ROBO2: variants seen among roughly 807,000 people sequenced by gnomAD.
ROBO2 encodes the protein roundabout guidance receptor 2.
A neutral mutation model predicts 160.8 loss-of-function variants in ROBO2; 53 were observed. The observed-to-expected ratio is 0.33, with a 90% CI of 0.26 to 0.41. The LOEUF is 0.41. Among genes scored for constraint, ROBO2 ranks in the 10% least tolerant of loss-of-function variants. ROBO2 has a pLI of 1.00. For missense variants in ROBO2, 1,577 were observed against 1,722.4 expected (o/e 0.92, Z 1.49); for synonymous variants, 664 against 611.7 (o/e 1.09, Z -1.26).
At chr3:77,217,019 A>G (rs1161685711) in intron 2 of ROBO2, among the ~76,000 whole-genome samples, 1 of 152,216 alleles carries the variant, frequency 6.6e-6, no homozygotes, top group African/African-American at 2.4e-5. Flanking sequence ...AAGGGACAGG[A>G]CAGAGCTTGT....
intron 2 of ROBO2, among the ~76,000 whole-genome samples, chr3:76,458,378 C>T (rs74204712): frequency 0.11 from 15,414 of 140,910 alleles, 1,022 homozygotes; most frequent in East Asian, 0.21. Flanking sequence ...CTCCAGCTCC[C>T]AAGTTCCTCA....
chr3:77,574,736 T>C lies in ROBO2; in HGVS notation c.2203+6T>C, dbSNP rs1422080738. The C allele has an allele frequency of 2.5e-6, 4 of 1,604,624 alleles. No individual in the cohort carries two copies. The highest frequency in any genetic ancestry group is 1.7e-5 in the Admixed American group (1 of 59,838). ...GGTTCGTACTACTGAAGAAGGTCAG[T>C]ATTCAGATTTCGAATATAAATCAAA... On this transcript the variant is annotated splice_donor_region_variant and intron_variant, in intron 14 of 25. Transcript: ENST00000461745.
intron 2 of ROBO2, among the ~76,000 whole-genome samples, chr3:76,747,544 G>A (rs144307123): frequency 4.8e-4 from 73 of 152,022 alleles, no homozygotes; most frequent in African/African-American, 1.5e-3. Flanking sequence ...TCATGAATAC[G>A]TGAATATGTG....
chr3:76,312,371 T>C (rs147692843), intron 2 of ROBO2, among the ~76,000 whole-genome samples: 1 of 152,322 alleles, frequency 6.6e-6, no homozygotes, highest in East Asian at 1.9e-4. Context: ...TTTAAAAATG[T>C]ACCACAATAT....
chr3:77,389,407 C>A (rs553333294), intron 2 of ROBO2, among the ~76,000 whole-genome samples: 4 of 152,062 alleles, frequency 2.6e-5, no homozygotes, highest in Non-Finnish European at 5.9e-5. Context: ...TAGCCCCATG[C>A]GGGCTTGTGG....
At chr3:77,085,548 G>T (rs2069193027) in intron 1 of ROBO2, among the ~76,000 whole-genome samples, 1 of 151,964 alleles carries the variant, frequency 6.6e-6, no homozygotes, top group African/African-American at 2.4e-5. Context: ...TCCATTCATT[G>T]TCAGTATGGT....
chr3:76,230,426 T>C (rs553129271), intron 2 of ROBO2, among the ~76,000 whole-genome samples: 7 of 152,182 alleles, frequency 4.6e-5, no homozygotes, highest in Admixed American at 1.3e-4. Context: ...TAACAACTGC[T>C]TCAGTCTTGT....
At chr3:76,143,941 TTC>T (rs1361826691) in intron 2 of ROBO2, among the ~76,000 whole-genome samples, 1 of 151,946 alleles carries the variant, frequency 6.6e-6, no homozygotes, top group Non-Finnish European at 1.5e-5. Context: ...AGAGACAAAA[TTC>T]TCTCTTATTC....
chr3:76,778,449 T>G (rs1274879751), intron 2 of ROBO2, among the ~76,000 whole-genome samples: 1 of 151,066 alleles, frequency 6.6e-6, no homozygotes, highest in Admixed American at 6.6e-5. Context: ...GGTAGATATC[T>G]ATTAGCTAGT....
intron 2 of ROBO2, among the ~76,000 whole-genome samples, chr3:77,289,542 C>A (rs2060910784): frequency 6.6e-6 from 1 of 151,464 alleles, no homozygotes; most frequent in South Asian, 2.1e-4. Context: ...TCACCCCAGA[C>A]ATAAAGTAAA....
At chr3:77,141,519 A>G (rs1194211458) in intron 2 of ROBO2, among the ~76,000 whole-genome samples, 1 of 152,088 alleles carries the variant, frequency 6.6e-6, no homozygotes, top group Non-Finnish European at 1.5e-5. Flanking sequence ...GTGTTTTCTC[A>G]CTTTTCTTAC....
intron 2 of ROBO2, among the ~76,000 whole-genome samples, chr3:76,059,561 G>C: frequency 6.6e-6 from 1 of 152,248 alleles, no homozygotes; most frequent in Non-Finnish European, 1.5e-5. Flanking sequence ...CCCTTTGTCA[G>C]ATGAGTAGGT....
intron 2 of ROBO2, among the ~76,000 whole-genome samples, chr3:77,381,634 T>C (rs534548895): frequency 1.5e-4 from 23 of 152,294 alleles, no homozygotes; most frequent in African/African-American, 5.5e-4. Context: ...ACACTACCCA[T>C]GGTTAGATAA....
At chr3:76,869,444 G>A (rs1032193977) in intron 2 of ROBO2, among the ~76,000 whole-genome samples, 2 of 146,732 alleles carry the variant, frequency 1.4e-5, no homozygotes, top group East Asian at 2.0e-4. Context: ...CCGCCTCCCG[G>A]GTTCACGCCA....
intron 2 of ROBO2, among the ~76,000 whole-genome samples, chr3:75,995,602 C>T (rs1052825896): frequency 2.0e-5 from 3 of 152,090 alleles, no homozygotes; most frequent in East Asian, 3.9e-4. Context: ...CACAGAGAGT[C>T]CCTACTGGTG....
At chr3:76,912,020 A>G (rs13060680) in intron 2 of ROBO2, among the ~76,000 whole-genome samples, 44,868 of 152,062 alleles carry the variant, frequency 0.3, 7,101 homozygotes, top group African/African-American at 0.41. Flanking sequence ...GTAGATGTGA[A>G]GTTTATCATG....
intron 2 of ROBO2, among the ~76,000 whole-genome samples, chr3:76,131,938 C>T (rs17013865): frequency 0.049 from 7,443 of 152,058 alleles, 375 homozygotes; most frequent in East Asian, 0.15. Context: ...CACGGTGACA[C>T]GTAACCAAAT....
chr3:77,067,879 C>T (rs1348062373), intron 1 of ROBO2, among the ~76,000 whole-genome samples: 1 of 152,074 alleles, frequency 6.6e-6, no homozygotes, highest in African/African-American at 2.4e-5. Flanking sequence ...GAGGATGTTT[C>T]AGAACTTTTT....
chr3:77,503,517 C>G (rs2087960720), intron 5 of ROBO2, among the ~76,000 whole-genome samples: 2 of 147,864 alleles, frequency 1.4e-5, no homozygotes, highest in Admixed American at 6.9e-5. Context: ...GAGAGAGAGT[C>G]CGTCTCTAAA....
Sources: gnomAD v4.1 joint callset for allele counts (sites outside exome capture counted in the v4.1 genomes callset) on GRCh38, gnomAD v4.1.1 for gene constraint, MANE v1.5 for transcripts, NCBI Gene and HGNC (gene_info 2026-07-23, HGNC 2026-07-21) for gene names.